KIAA1217: variants seen among roughly 807,000 people sequenced by gnomAD.
KIAA1217 encodes KIAA1217.
Under a neutral mutation model 163.9 loss-of-function variants are expected in KIAA1217, and 88 were observed. The observed-to-expected ratio is 0.54, with a 90% CI of 0.45 to 0.64. The LOEUF is 0.64. Among genes scored for constraint, KIAA1217 ranks in the 30% least tolerant of loss-of-function variants. The probability of loss-of-function intolerance (pLI) is 0.00; values close to 1 mark genes in which losing one functional copy is unlikely to be tolerated. For missense variants in KIAA1217, 2,372 were observed against 2,475.0 expected, an observed-to-expected ratio of 0.96 and a Z score of 0.88; for synonymous variants, 903 against 923.1, an observed-to-expected ratio of 0.98 and a Z score of 0.39.
chr10:23,695,109 C>G lies in KIAA1217; in HGVS notation c.-446C>G, dbSNP rs932824973. On this transcript the variant is annotated 5_prime_UTR_variant, in exon 1 of 19. Transcript: ENST00000376462. The surrounding 1 kb of genome is among the most constrained non-coding windows in gnomAD (Gnocchi z 4.9). ...CACGCTCGCCCGGGAGATACCCCTT[C>G]CCCCTCTTGCGCATTTCGCAGCTGC... The G allele has an allele frequency of 7.2e-5, 11 of 152,428 alleles. No homozygotes were observed. The highest frequency in any genetic ancestry group is 2.4e-4 in the African/African-American group (10 of 41,596). The allele number at this position is 152,428 out of a possible 1,614,324, so 9.4% of individuals were successfully genotyped here.
At chr10:24,245,707 C>G (rs952218293) in intron 2 of KIAA1217, among the ~76,000 whole-genome samples, 2 of 152,202 alleles carry the variant, frequency 1.3e-5, no homozygotes, top group African/African-American at 2.4e-5. Context: ...TCATGTCTCA[C>G]TGCAGCCTCA....
chr10:24,377,013 A>G (rs181089233), intron 2 of KIAA1217, among the ~76,000 whole-genome samples: 1 of 152,276 alleles, frequency 6.6e-6, no homozygotes, highest in Admixed American at 6.5e-5. Flanking sequence ...TCATCCTTTC[A>G]TTAGGAAGAG....
chr10:23,822,667 T>A (rs1471081122), intron 1 of KIAA1217, among the ~76,000 whole-genome samples: 1 of 152,178 alleles, frequency 6.6e-6, no homozygotes, highest in African/African-American at 2.4e-5. Context: ...ATTCTGGTGG[T>A]GTGGTAGAGA....
chr10:24,208,275 G>T (rs2067677214), upstream of KIAA1217, among the ~76,000 whole-genome samples: 1 of 151,972 alleles, frequency 6.6e-6, no homozygotes, highest in Non-Finnish European at 1.5e-5. Context: ...CCAAAGAAAT[G>T]CATTTTCACT....
rs536051127 is a variant in KIAA1217 at position 24,513,421 on chromosome 10, G to A, written c.2164G>A (p.Val722Ile). The A allele has an allele frequency of 4.5e-5, 72 of 1,614,096 alleles. No individual in the cohort carries two copies. The highest frequency in any genetic ancestry group is 1.1e-4 in the African/African-American group (8 of 75,054). Residue 722 changes from valine to isoleucine, a missense_variant, in exon 10 of 21, where the codon GTC (valine) becomes ATC (isoleucine). Val to Ile is a conservative substitution (Grantham distance 29). Coordinates refer to ENST00000376454, the MANE Select transcript of KIAA1217 (RefSeq NM_019590.5). ...ATATCTTCATGAGGAAGAGAAGATCGTCAAGAAGTTGTGGTGAGTGCCAGT... is the reference window on the plus strand; with the variant it reads ...ATATCTTCATGAGGAAGAGAAGATCATCAAGAAGTTGTGGTGAGTGCCAGT... ...QKYLHEEEKI[V>I]KKLCELEDFV...
At chr10:23,857,136 C>G (rs1306773452) in intron 1 of KIAA1217, among the ~76,000 whole-genome samples, 1 of 152,228 alleles carries the variant, frequency 6.6e-6, no homozygotes, top group Non-Finnish European at 1.5e-5. Context: ...TGGAGCTGTT[C>G]CTATTCGGCC....
At chr10:24,476,720 T>A (rs1165272760) in intron 6 of KIAA1217, among the ~76,000 whole-genome samples, 1 of 152,136 alleles carries the variant, frequency 6.6e-6, no homozygotes, top group African/African-American at 2.4e-5. Context: ...ACTCCCCACC[T>A]GTAATCAGCT....
chr10:23,976,805 G>C (rs1845560986), intron 1 of KIAA1217, among the ~76,000 whole-genome samples: 1 of 152,186 alleles, frequency 6.6e-6, no homozygotes, highest in South Asian at 2.1e-4. Context: ...TGAAGACAAT[G>C]CTATCTCACA....
intron 8 of KIAA1217, among the ~76,000 whole-genome samples, 172 bp downstream of exon 8, chr10:24,495,368 G>T (rs545158988): frequency 2.0e-5 from 3 of 152,168 alleles, no homozygotes; most frequent in South Asian, 4.1e-4. Context: ...TAATTCGGGG[G>T]CAAAGCACTG....
intron 1 of KIAA1217, among the ~76,000 whole-genome samples, chr10:23,845,716 T>C (rs1838993557): frequency 6.6e-6 from 1 of 152,142 alleles, no homozygotes; most frequent in South Asian, 2.1e-4. Context: ...TTCTTTTGCA[T>C]GTGGAAGAAA....
At chr10:23,932,822 G>A (rs1480034909) in intron 1 of KIAA1217, among the ~76,000 whole-genome samples, 1 of 152,144 alleles carries the variant, frequency 6.6e-6, no homozygotes, top group Admixed American at 6.6e-5. Flanking sequence ...TTTCTTTAGA[G>A]CATCCTGGCC....
Position 23,697,242 on chromosome 10 carries a change from C to T in KIAA1217, c.-321+2008C>T, listed in dbSNP as rs1374867772. 1.3e-5 allele frequency among the ~76,000 whole-genome samples: 2 copies of T among 152,168 alleles called. 1 individual carries two copies. The highest frequency in any genetic ancestry group is 3.9e-4 in the East Asian group (2 of 5,194). On this transcript the variant is annotated intron_variant, in intron 1 of 18. Coordinates refer to the KIAA1217 transcript ENST00000376462. ...ATTGGAATGTGTCTAGGTAGTGAGG[C>T]AGATGGGTGAAAAATACTTTAGGAT...
In KIAA1217 at chr10:24,175,301, A is replaced by G. The variant is rs180857002; in HGVS notation, c.-170-44325A>G. On this transcript the variant is annotated intron_variant, in intron 2 of 18. Coordinates refer to the KIAA1217 transcript ENST00000376462. ...CATCCTTATAGCTTAGCTCCCACTT[A>G]TCAGTGAGAACATACAATGTTCGGT... is the stretch of plus-strand genomic sequence containing the variant. 5.0e-4 allele frequency among the ~76,000 whole-genome samples: 76 copies of G among 152,286 alleles called. 2 individuals are homozygous for G. In the East Asian group the frequency reaches 0.013, roughly 26 times the overall value.
At chr10:24,044,129 C>T (rs772041697) in intron 2 of KIAA1217, among the ~76,000 whole-genome samples, 2 of 152,116 alleles carry the variant, frequency 1.3e-5, no homozygotes, top group African/African-American at 4.8e-5. Flanking sequence ...ATCATCATCA[C>T]TCATGTTTGT....
intron 1 of KIAA1217, among the ~76,000 whole-genome samples, chr10:23,853,704 T>C (rs1564477746): frequency 1.3e-5 from 2 of 152,204 alleles, no homozygotes; most frequent in Non-Finnish European, 2.9e-5. Context: ...CTGTTATTGG[T>C]CTATTCAGAG....
chr10:24,330,706 A>T (rs1201463497), intron 2 of KIAA1217, among the ~76,000 whole-genome samples: 2 of 151,906 alleles, frequency 1.3e-5, no homozygotes, highest in Non-Finnish European at 2.9e-5. Context: ...ACCTCCTCCT[A>T]CCAAGCTCAA....
intron 2 of KIAA1217, among the ~76,000 whole-genome samples, chr10:24,129,223 G>A (rs866889097): frequency 3.3e-5 from 5 of 152,122 alleles, no homozygotes; most frequent in Admixed American, 1.3e-4. Flanking sequence ...TTACTGCAGT[G>A]TAATAGAGTC....
chr10:24,472,938 C>G (rs1183112725), intron 5 of KIAA1217, among the ~76,000 whole-genome samples: 1 of 152,158 alleles, frequency 6.6e-6, no homozygotes, highest in African/African-American at 2.4e-5. Flanking sequence ...TCTTCTAACC[C>G]TACTTCCATC....
chr10:23,823,266 C>G (rs948821459), intron 1 of KIAA1217, among the ~76,000 whole-genome samples: 2 of 152,184 alleles, frequency 1.3e-5, no homozygotes, highest in Non-Finnish European at 2.9e-5. Flanking sequence ...GACTGAGGTC[C>G]TGCTTCCTTG....
Sources: gnomAD v4.1 joint callset for allele counts (sites outside exome capture counted in the v4.1 genomes callset) on GRCh38, gnomAD v4.1.1 for gene constraint, Gnocchi (gnomAD v3.1) non-coding constraint, MANE v1.5 for transcripts, NCBI Gene and HGNC (gene_info 2026-07-23, HGNC 2026-07-21) for gene names.